Variants in PPP2R2B observed in about 807,000 individuals in gnomAD.
The protein encoded by PPP2R2B is protein phosphatase 2 regulatory subunit Bbeta, also known as serine/threonine-protein phosphatase 2A 55 kDa regulatory subunit B beta isoform.
PPP2R2B carries 5 observed loss-of-function variants against 46.0 expected under a neutral mutation model. That is an observed-to-expected ratio of 0.11 (90% confidence interval 0.06 to 0.23). The LOEUF is 0.23. PPP2R2B is among the 10% of genes least tolerant of loss of function. The pLI is 1.00. For missense variants in PPP2R2B, 367 were observed against 575.0 expected (o/e 0.64, Z 3.70); for synonymous variants, 215 against 206.7 (o/e 1.04, Z -0.34).
At chr5:146,680,402 G>C (rs1379784150) in intron 5 of PPP2R2B, among the ~76,000 whole-genome samples, 2 of 140,520 alleles carry the variant, frequency 1.4e-5, no homozygotes, top group Non-Finnish European at 3.0e-5. Context: ...TTGTGGGGTG[G>C]GGTGGGGAGG....
At chr5:146,815,290 G>C (rs796322748) in intron 2 of PPP2R2B, among the ~76,000 whole-genome samples, 1 of 152,154 alleles carries the variant, frequency 6.6e-6, no homozygotes, top group Non-Finnish European at 1.5e-5. Flanking sequence ...AGACCTTCTG[G>C]AGTTAATTAC....
At position 146,582,603 on chromosome 5, in the gene PPP2R2B, T is replaced by A. The variant is rs1769947122; in HGVS notation, c.*7344A>T. The A allele has an allele frequency of 6.6e-6, 1 of 152,256 alleles. No homozygotes were observed. Among genetic ancestry groups the A allele is most frequent in the Non-Finnish European group, 1.5e-5 (1 of 68,040 alleles). The allele number at this position is 152,256 out of a possible 1,614,324, so 9.4% of individuals were successfully genotyped here. ...CTCCATATATCATTCAAACTCCCAA[T>A]GGCATGCCGCTCATCTTATAAGCTT... On this transcript the variant is annotated 3_prime_UTR_variant, in exon 10 of 10. Transcript: ENST00000394411.
At chr5:146,881,307 A>AT (rs143091180), upstream of PPP2R2B, among the ~76,000 whole-genome samples, 194 of 145,348 alleles carry the variant, frequency 1.3e-3, no homozygotes, top group Middle Eastern at 7.3e-3. Context: ...CTGCCTCCAC[A>AT]TTTTTTTTTT....
chr5:146,928,710 T>C (rs554444611), intron 1 of PPP2R2B, among the ~76,000 whole-genome samples: 2 of 152,192 alleles, frequency 1.3e-5, no homozygotes, highest in Non-Finnish European at 2.9e-5. Context: ...CCTGGTATAC[T>C]ATACTCAGCA....
intron 2 of PPP2R2B, among the ~76,000 whole-genome samples, chr5:146,845,580 T>C (rs983501090): frequency 2.6e-5 from 4 of 152,124 alleles, no homozygotes; most frequent in African/African-American, 9.7e-5. Context: ...TTTTCTGTTT[T>C]ATTCATGTCT....
In PPP2R2B at chr5:146,865,219, A is replaced by G. The variant is rs376837450; in HGVS notation, c.70+12783T>C. The stretch of plus-strand genomic sequence containing the variant: ...CAGTTTGTGTCTGGGGCAAAAGCAA[A>G]CAAACAAACCCTATAGATGATGTTG... On this transcript the variant is annotated intron_variant, in intron 2 of 9. Coordinates refer to ENST00000394411, the MANE Select transcript of PPP2R2B (RefSeq NM_181675.4). 2.6e-5 allele frequency among the ~76,000 whole-genome samples: 4 copies of G among 152,242 alleles called. No individual in the cohort carries two copies. The South Asian group carries it at 6.2e-4, about 24-fold the overall frequency.
chr5:146,912,553 G>A (rs1373324429), intron 1 of PPP2R2B, among the ~76,000 whole-genome samples: 8 of 148,476 alleles, frequency 5.4e-5, no homozygotes, highest in South Asian at 2.1e-4. Flanking sequence ...TCCCTCTGTC[G>A]CCCAGGCTGG....
At chr5:146,646,850 C>T (rs561382618) in intron 6 of PPP2R2B, among the ~76,000 whole-genome samples, 21 of 152,024 alleles carry the variant, frequency 1.4e-4, no homozygotes, top group African/African-American at 4.8e-4. Flanking sequence ...TGTGTGCGTG[C>T]GTATGTGTGT....
In PPP2R2B at chr5:146,653,157, TG is replaced by T. The variant is rs1776093357; in HGVS notation, c.448-2434del. 2.0e-5 allele frequency among the ~76,000 whole-genome samples: 3 copies of T among 152,132 alleles called. No homozygotes were observed. In the South Asian group the frequency reaches 6.2e-4, roughly 32 times the overall value. On this transcript the variant is annotated intron_variant, in intron 5 of 9. Coordinates refer to ENST00000394411, the MANE Select transcript of PPP2R2B (RefSeq NM_181675.4). ...AGAGGCTAAGTCACTGGCCCAGGGT[TG>T]CCCAGCTACAGGAAGCATAGCTAGG...
rs772315664 is a variant in PPP2R2B, at chr5:146,593,062, C to T, written c.961G>A (p.Val321Ile). ...AGCTTGCTGCGGAGGTAGTCATGAA[C>T]CTGGAGAGGAAACATATCGAGAAGG... ...MENRPIETYQ[V>I]HDYLRSKLCS... The change falls in exon 9 of 10, where the codon GTT becomes ATT. Residue 321 changes from valine to isoleucine, a missense_variant and splice_region_variant. Val to Ile is a conservative substitution (Grantham distance 29). Coordinates refer to ENST00000394411, the MANE Select transcript of PPP2R2B (RefSeq NM_181675.4). 6.2e-7 allele frequency: 1 copy of T among 1,608,550 alleles called. No homozygotes were observed. Among genetic ancestry groups the T allele is most frequent in the Non-Finnish European group, 8.5e-7 (1 of 1,174,924 alleles).
At chr5:146,708,417 G>A (rs976626494) in intron 2 of PPP2R2B, among the ~76,000 whole-genome samples, 7 of 150,700 alleles carry the variant, frequency 4.6e-5, no homozygotes, top group Admixed American at 6.6e-5. Flanking sequence ...ATGTGTGTGT[G>A]TGTGTGTGTG....
chr5:146,919,913 T>C (rs2151813488), intron 1 of PPP2R2B: 1 of 152,320 alleles, frequency 6.6e-6, no homozygotes. Context: ...CCAGTTTGCG[T>C]ATCATGGCAG....
chr5:146,886,965 T>C (rs145965502), intron 1 of PPP2R2B, among the ~76,000 whole-genome samples: 1 of 151,930 alleles, frequency 6.6e-6, no homozygotes, highest in Non-Finnish European at 1.5e-5. Flanking sequence ...TAAAAACATA[T>C]ATGTGACCAG....
intron 1 of PPP2R2B, among the ~76,000 whole-genome samples, chr5:146,998,816 C>G (rs1163962537): frequency 1.3e-5 from 2 of 151,914 alleles, no homozygotes; most frequent in Non-Finnish European, 2.9e-5. Context: ...ACTCACTGAT[C>G]CTGAGGGATT....
intron 1 of PPP2R2B, among the ~76,000 whole-genome samples, chr5:146,985,017 CTTTTTTT>C (rs34277498): frequency 1.0e-5 from 1 of 99,466 alleles, no homozygotes; most frequent in East Asian, 2.9e-4. Context: ...TTTTCTTTTT[CTTTTTTT>C]TTTTTTTTTT....
chr5:146,870,866 C>T (rs930830232), intron 2 of PPP2R2B, among the ~76,000 whole-genome samples: 1 of 152,232 alleles, frequency 6.6e-6, no homozygotes, highest in African/African-American at 2.4e-5. Flanking sequence ...TGACTACCCC[C>T]ATACAAGCAC....
intron 6 of PPP2R2B, among the ~76,000 whole-genome samples, chr5:146,639,809 A>G (rs2151080606): frequency 6.6e-6 from 1 of 152,344 alleles, no homozygotes; most frequent in East Asian, 1.9e-4. Context: ...CCCAATGTTC[A>G]TAAAATCATG....
In PPP2R2B at chr5:146,967,765, C is replaced by CG. The variant is rs542841809; in HGVS notation, c.79+87899dup. Among the ~76,000 whole-genome samples, 379 of 152,296 alleles carry CG rather than the reference C, an allele frequency of 2.5e-3. 1 individual carries two copies. Among genetic ancestry groups the CG allele is most frequent in the African/African-American group, 8.9e-3 (368 of 41,560 alleles). ...TCCTGCAGCTAGCCCTCCTCCCTCCCGGTTTGCAGTCCCAGCCTACGGTTA... is the reference window on the plus strand; with the variant it reads ...TCCTGCAGCTAGCCCTCCTCCCTCCCGGGTTTGCAGTCCCAGCCTACGGTTA... On this transcript the variant is annotated intron_variant, in intron 1 of 8. Transcript: ENST00000336640.
chr5:146,951,256 G>A (rs949819924), intron 1 of PPP2R2B, among the ~76,000 whole-genome samples: 1 of 151,624 alleles, frequency 6.6e-6, no homozygotes, highest in African/African-American at 2.4e-5. Flanking sequence ...CAGTTTGATG[G>A]GTTTTGATAA....
Sources: allele counts gnomAD v4.1 joint callset (sites outside exome capture counted in the v4.1 genomes callset), GRCh38; gene constraint gnomAD v4.1.1; transcripts MANE v1.5; gene names NCBI Gene and HGNC (gene_info 2026-07-23, HGNC 2026-07-21).